Variants in RAB3C observed in about 807,000 individuals in gnomAD.
RAB3C encodes RAB3C, member RAS oncogene family, also known as ras-related protein Rab-3C.
Under a neutral mutation model 26.4 loss-of-function variants are expected in RAB3C, and 17 were observed. The ratio of observed to expected loss-of-function variants is 0.64; its 90% confidence interval spans 0.44 to 0.97. RAB3C has a LOEUF of 0.97. Ranked by LOEUF, RAB3C falls within the 50% of genes least tolerant of loss-of-function variation. The probability of loss-of-function intolerance (pLI) is 0.00; values close to 1 mark genes in which losing one functional copy is unlikely to be tolerated. For missense variants in RAB3C, 242 were observed against 281.9 expected (o/e 0.86, Z 1.01); for synonymous variants, 91 against 95.9 (o/e 0.95, Z 0.30).
intron 2 of RAB3C, among the ~76,000 whole-genome samples, chr5:58,708,057 C>T (rs1044774689): frequency 6.7e-6 from 1 of 150,306 alleles, no homozygotes; most frequent in African/African-American, 2.4e-5. Context: ...GTGGTACAAT[C>T]ACAGCTCACT....
chr5:58,835,182 T>G (rs1316362240), intron 4 of RAB3C, among the ~76,000 whole-genome samples: 1 of 152,102 alleles, frequency 6.6e-6, no homozygotes, highest in Non-Finnish European at 1.5e-5. Flanking sequence ...CCTCTACTTA[T>G]TTTTTCTCAC....
intron 3 of RAB3C, among the ~76,000 whole-genome samples, chr5:58,819,641 G>A (rs927064805): frequency 2.6e-5 from 4 of 152,172 alleles, no homozygotes; most frequent in Non-Finnish European, 5.9e-5. Flanking sequence ...TTGGGAGGCC[G>A]AGGCAGGCAG....
Position 58,789,759 on chromosome 5 carries a change from A to G in RAB3C, c.372-35279A>G, listed in dbSNP as rs1398454042. ...AGTGAGAAAAGGAACATACAAATAA[A>G]ACCATTTTCTTGGGAATATTGGAAC... On this transcript the variant is annotated intron_variant, in intron 3 of 4. Coordinates refer to ENST00000282878, the MANE Select transcript of RAB3C (RefSeq NM_138453.4). Among the ~76,000 whole-genome samples, 4 of 152,324 alleles carry G rather than the reference A, an allele frequency of 2.6e-5. No individual in the cohort carries two copies. In the East Asian group the frequency reaches 7.7e-4, roughly 29 times the overall value.
chr5:58,791,448 T>G (rs1437186207), intron 3 of RAB3C, among the ~76,000 whole-genome samples: 2 of 152,220 alleles, frequency 1.3e-5, no homozygotes, highest in African/African-American at 4.8e-5. Flanking sequence ...GTGCAAACTC[T>G]GCAGGTGCAG....
intron 4 of RAB3C, among the ~76,000 whole-genome samples, chr5:58,849,698 G>C (rs1055720743): frequency 5.3e-5 from 8 of 152,182 alleles, no homozygotes; most frequent in Non-Finnish European, 1.0e-4. Flanking sequence ...TATTCATGTG[G>C]ATTTTAACGA....
At chr5:58,590,676 G>A (rs1404996078) in intron 1 of RAB3C, among the ~76,000 whole-genome samples, 1 of 151,894 alleles carries the variant, frequency 6.6e-6, no homozygotes, top group East Asian at 1.9e-4. Context: ...CTGAGTAGCT[G>A]GGAACACAGG....
intron 4 of RAB3C, among the ~76,000 whole-genome samples, chr5:58,845,612 A>ATATATATATTTGTGTGTGTGTGTG: frequency 1.2e-5 from 1 of 81,744 alleles, no homozygotes; most frequent in Non-Finnish European, 2.4e-5. Context: ...ATATATATAT[A>ATATATATATTTGTGTGTGTGTGTG]TGTGTGTGTG....
Position 58,854,036 on chromosome 5 carries a change from A to AACACACACACACACACACAC in RAB3C, c.*2704_*2723dup, listed in dbSNP as rs3835173. ...TCCAAGGTTTTTCAGCCTTTTGGCC[A>AACACACACACACACACACAC]ACACACACACACACACACACACACA... is the stretch of plus-strand genomic sequence containing the variant. On this transcript the variant is annotated 3_prime_UTR_variant, in exon 5 of 5. Transcript: ENST00000282878. 8 of 142,524 alleles carry AACACACACACACACACACAC rather than the reference A, an allele frequency of 5.6e-5. No individual in the cohort carries two copies. The highest frequency in any genetic ancestry group is 1.9e-4 in the African/African-American group (7 of 37,754). 8.8% of individuals were successfully genotyped at this position (142,524 alleles called of 1,614,324 possible).
At chr5:58,710,377 T>A (rs1335400032) in intron 2 of RAB3C, among the ~76,000 whole-genome samples, 4 of 151,834 alleles carry the variant, frequency 2.6e-5, no homozygotes, top group Non-Finnish European at 5.9e-5. Context: ...GGTGGGAGGA[T>A]CATTTGAGGT....
chr5:58,723,581 T>C (rs1444509643), intron 2 of RAB3C, among the ~76,000 whole-genome samples: 1 of 151,864 alleles, frequency 6.6e-6, no homozygotes, highest in Non-Finnish European at 1.5e-5. Context: ...AGTTTCACAC[T>C]GCTGTTCATG....
chr5:58,830,771 A>C (rs1223893890), intron 4 of RAB3C, among the ~76,000 whole-genome samples: 1 of 152,098 alleles, frequency 6.6e-6, no homozygotes, highest in Non-Finnish European at 1.5e-5. Context: ...TATTTATACA[A>C]TTTCCACCAG....
At chr5:58,613,291 A>C (rs1399057409) in intron 1 of RAB3C, among the ~76,000 whole-genome samples, 1 of 152,184 alleles carries the variant, frequency 6.6e-6, no homozygotes, top group Admixed American at 6.6e-5. Context: ...TTTAAAGGTT[A>C]AGAATTTGCT....
intron 3 of RAB3C, among the ~76,000 whole-genome samples, chr5:58,753,165 C>T (rs1741571454): frequency 6.6e-6 from 1 of 152,066 alleles, no homozygotes; most frequent in Non-Finnish European, 1.5e-5. Flanking sequence ...TAATTATCTG[C>T]TAAGGTGGGT....
chr5:58,725,996 C>A lies in RAB3C; in HGVS notation c.253-6C>A. On this transcript the variant is annotated splice_region_variant and splice_polypyrimidine_tract_variant and intron_variant, in intron 2 of 4. Coordinates refer to ENST00000282878, the MANE Select transcript of RAB3C (RefSeq NM_138453.4). ...GAGAGATTATCATTTTTTTTTTATT[C>A]TTTAGGACACAGCAGGCCAGGAAAG... is the stretch of plus-strand genomic sequence containing the variant. The A allele has an allele frequency of 6.7e-7, 1 of 1,498,666 alleles. No individual in the cohort carries two copies. The highest frequency in any genetic ancestry group is 9.1e-7 in the Non-Finnish European group (1 of 1,102,918). The allele number at this position is 1,498,666 out of a possible 1,614,324, so 92.8% of individuals were successfully genotyped here.
chr5:58,736,766 G>T (rs549200492), intron 3 of RAB3C, among the ~76,000 whole-genome samples: 1 of 152,026 alleles, frequency 6.6e-6, no homozygotes, highest in Admixed American at 6.5e-5. Context: ...CACGTTCACC[G>T]GTCCTGGGGT....
At chr5:58,676,413 G>T (rs1299534984) in intron 2 of RAB3C, among the ~76,000 whole-genome samples, 1 of 152,068 alleles carries the variant, frequency 6.6e-6, no homozygotes, top group African/African-American at 2.4e-5. Flanking sequence ...TGAGGCAGGA[G>T]AATCGCTTGA....
At chr5:58,836,406 G>C (rs1214223941) in intron 4 of RAB3C, among the ~76,000 whole-genome samples, 2 of 151,880 alleles carry the variant, frequency 1.3e-5, no homozygotes, top group African/African-American at 2.4e-5. Flanking sequence ...TCTCCTTCTC[G>C]CTATTTGAAA....
At chr5:58,701,802 C>T (rs113652443) in intron 2 of RAB3C, among the ~76,000 whole-genome samples, 81 of 152,310 alleles carry the variant, frequency 5.3e-4, no homozygotes, top group African/African-American at 1.8e-3. Flanking sequence ...CTCTGACTCT[C>T]CTGCCTCCTC....
chr5:58,599,137 C>T (rs1746394848), intron 1 of RAB3C, among the ~76,000 whole-genome samples: 1 of 152,138 alleles, frequency 6.6e-6, no homozygotes, highest in Non-Finnish European at 1.5e-5. Context: ...CAGCCTGACT[C>T]AGGGCATGTG....
Sources: gnomAD v4.1 joint callset for allele counts (sites outside exome capture counted in the v4.1 genomes callset) on GRCh38, gnomAD v4.1.1 for gene constraint, MANE v1.5 for transcripts, NCBI Gene and HGNC (gene_info 2026-07-23, HGNC 2026-07-21) for gene names.